Variants in PRKG1 observed in about 807,000 individuals in gnomAD.
PRKG1 encodes the protein cGMP-dependent protein kinase 1.
A neutral mutation model predicts 88.1 loss-of-function variants in PRKG1; 35 were observed. That is an observed-to-expected ratio of 0.40 (90% CI 0.30 to 0.53). The LOEUF (loss-of-function observed/expected upper bound fraction) is 0.53. Among genes scored for constraint, PRKG1 ranks in the 20% least tolerant of loss-of-function variants. The probability of loss-of-function intolerance (pLI) is 0.59; values close to 1 mark genes in which losing one functional copy is unlikely to be tolerated. For synonymous variants in PRKG1, 303 were observed against 292.5 expected (o/e 1.04, Z -0.37); for missense variants, 540 against 839.8 (o/e 0.64, Z 4.41).
At chr10:51,552,726 A>G (rs75238680) in intron 3 of PRKG1, among the ~76,000 whole-genome samples, 2,010 of 151,738 alleles carry the variant, frequency 0.013, 42 homozygotes, top group African/African-American at 0.045. Flanking sequence ...GTTTAATGTA[A>G]TCCAGGCTGT....
At chr10:51,695,887 G>A (rs562797104) in intron 3 of PRKG1, 1 of 152,182 alleles carries the variant, frequency 6.6e-6, no homozygotes, top group East Asian at 1.9e-4. Flanking sequence ...TCTGTAACTA[G>A]ATATTGGTTT....
At chr10:51,323,486 T>C (rs777647917) in intron 2 of PRKG1, among the ~76,000 whole-genome samples, 7 of 152,204 alleles carry the variant, frequency 4.6e-5, no homozygotes, top group Non-Finnish European at 1.0e-4. Context: ...ACCTCATTTT[T>C]CCCATCTGCA....
At chr10:51,075,691 C>T (rs1248651095) in intron 1 of PRKG1, among the ~76,000 whole-genome samples, 1 of 152,194 alleles carries the variant, frequency 6.6e-6, no homozygotes, top group East Asian at 1.9e-4. Flanking sequence ...AACGTGGACC[C>T]ATTGTTTGCC....
At chr10:51,535,445 G>A (rs1842121588) in intron 3 of PRKG1, among the ~76,000 whole-genome samples, 1 of 152,150 alleles carries the variant, frequency 6.6e-6, no homozygotes, top group Non-Finnish European at 1.5e-5. Flanking sequence ...TAAAAAAGAA[G>A]ACAGGAAGTA....
At chr10:51,791,290 C>T (rs1241991332) in intron 3 of PRKG1, among the ~76,000 whole-genome samples, 2 of 152,088 alleles carry the variant, frequency 1.3e-5, no homozygotes, top group African/African-American at 2.4e-5. Flanking sequence ...TTCATACCAC[C>T]AGTTCCTGGT....
intron 3 of PRKG1, among the ~76,000 whole-genome samples, chr10:51,747,672 GATTT>G (rs2132503513): frequency 6.6e-6 from 1 of 152,168 alleles, no homozygotes; most frequent in East Asian, 1.9e-4. Context: ...GAGGTTAGCT[GATTT>G]ATTTATTTTT....
At chr10:51,229,339 A>G (rs917927199) in intron 2 of PRKG1, among the ~76,000 whole-genome samples, 3 of 152,188 alleles carry the variant, frequency 2.0e-5, no homozygotes, top group Non-Finnish European at 4.4e-5. Flanking sequence ...ATAAGAAGGT[A>G]TTGGTCAATA....
chr10:52,192,324 T>C (rs183959393), intron 9 of PRKG1, among the ~76,000 whole-genome samples: 1 of 152,182 alleles, frequency 6.6e-6, no homozygotes, highest in Non-Finnish European at 1.5e-5. Context: ...TTATTTCTTT[T>C]AGCCAGAAAT....
At chr10:51,524,186 C>T (rs990323315) in intron 3 of PRKG1, among the ~76,000 whole-genome samples, 3 of 152,156 alleles carry the variant, frequency 2.0e-5, no homozygotes, top group African/African-American at 7.2e-5. Flanking sequence ...CTGTCATGTT[C>T]CTGTACAGCC....
intron 4 of PRKG1, among the ~76,000 whole-genome samples, chr10:51,822,397 C>CTGGG (rs1180940535): frequency 1.3e-5 from 2 of 151,788 alleles, no homozygotes; most frequent in Non-Finnish European, 2.9e-5. Context: ...AGAGCGTGAA[C>CTGGG]TGGGGGTTTA....
intron 2 of PRKG1, among the ~76,000 whole-genome samples, chr10:51,417,541 T>A (rs757673211): frequency 3.3e-5 from 5 of 152,166 alleles, no homozygotes; most frequent in Non-Finnish European, 7.3e-5. Context: ...CTTCTGTGAT[T>A]AAGGTCATAA....
At chr10:51,571,636 G>C (rs1837755480) in intron 3 of PRKG1, among the ~76,000 whole-genome samples, 1 of 151,786 alleles carries the variant, frequency 6.6e-6, no homozygotes, top group Admixed American at 6.6e-5. Context: ...CTGAAAATGA[G>C]AGAATATCAA....
chr10:52,158,528 G>A (rs2132682498), intron 8 of PRKG1, among the ~76,000 whole-genome samples: 1 of 151,688 alleles, frequency 6.6e-6, no homozygotes, highest in Middle Eastern at 3.4e-3. Flanking sequence ...CATCAATTAT[G>A]CTTATCAAGA....
intron 3 of PRKG1, chr10:51,698,201 G>T: frequency 6.2e-7 from 1 of 1,614,054 alleles, no homozygotes; most frequent in Non-Finnish European, 8.5e-7. Context: ...CATGCCCCTT[G>T]CTTCCATCCC....
intron 1 of PRKG1, among the ~76,000 whole-genome samples, chr10:51,126,827 A>G (rs1380126390): frequency 6.6e-6 from 1 of 152,126 alleles, no homozygotes; most frequent in East Asian, 1.9e-4. Flanking sequence ...CAACCATCTG[A>G]TCTTCAACAA....
chr10:50,994,090 G>A (rs1589095263), intron 1 of PRKG1, among the ~76,000 whole-genome samples: 1 of 152,146 alleles, frequency 6.6e-6, no homozygotes, highest in African/African-American at 2.4e-5. Context: ...TCAGCGTTTA[G>A]TTTCATACTT....
chr10:51,433,055 A>T (rs938496195), intron 2 of PRKG1, among the ~76,000 whole-genome samples: 1 of 152,154 alleles, frequency 6.6e-6, no homozygotes, highest in Non-Finnish European at 1.5e-5. Flanking sequence ...GGACATTATG[A>T]GCTAAGAGAA....
intron 3 of PRKG1, among the ~76,000 whole-genome samples, chr10:51,775,357 C>T (rs1034105149): frequency 6.6e-6 from 1 of 152,106 alleles, no homozygotes; most frequent in Non-Finnish European, 1.5e-5. Context: ...AAGATGCTGG[C>T]TTACCTTCCT....
At chr10:52,090,884 A>G (rs1313958029) in intron 7 of PRKG1, among the ~76,000 whole-genome samples, 1 of 152,222 alleles carries the variant, frequency 6.6e-6, no homozygotes, top group Non-Finnish European at 1.5e-5. Flanking sequence ...CTTCTGCTAA[A>G]ATATTAATGT....
Sources: gnomAD v4.1 joint callset for allele counts (sites outside exome capture counted in the v4.1 genomes callset) on GRCh38, gnomAD v4.1.1 for gene constraint, MANE v1.5 for transcripts, NCBI Gene and HGNC (gene_info 2026-07-23, HGNC 2026-07-21) for gene names.